The following GAP43 variants were observed in gnomAD, a reference collection of about 807,000 sequenced individuals.
GAP43 encodes the protein neuromodulin.
A neutral mutation model predicts 18.6 loss-of-function variants in GAP43; 6 were observed. The ratio of observed to expected loss-of-function variants is 0.32; its 90% CI spans 0.18 to 0.64. GAP43 has a LOEUF of 0.64. GAP43 is among the 30% of genes least tolerant of loss of function. The pLI is 0.78. For missense variants in GAP43, 292 were observed against 295.5 expected, an observed-to-expected ratio of 0.99 and a Z score of 0.09; for synonymous variants, 115 against 111.4, an observed-to-expected ratio of 1.03 and a Z score of -0.20.
intron 1 of GAP43, among the ~76,000 whole-genome samples, chr3:115,637,905 T>C (rs537906823): frequency 1.1e-4 from 16 of 152,212 alleles, no homozygotes; most frequent in Middle Eastern, 3.4e-3. Context: ...TTCTCTGGTT[T>C]CTATAAGTAA....
intron 1 of GAP43, among the ~76,000 whole-genome samples, chr3:115,668,843 A>G (rs904008944): frequency 1.3e-5 from 2 of 152,094 alleles, no homozygotes; most frequent in African/African-American, 4.8e-5. Flanking sequence ...GTTTGAGACC[A>G]GCCTGGGTAA....
intron 1 of GAP43, among the ~76,000 whole-genome samples, chr3:115,631,070 G>A (rs1355288491): frequency 1.3e-5 from 2 of 152,176 alleles, no homozygotes; most frequent in African/African-American, 4.8e-5. Flanking sequence ...CTCACAAGGT[G>A]GATGTAGTCA....
intron 2 of GAP43, among the ~76,000 whole-genome samples, chr3:115,691,107 A>G (rs1456622709): frequency 1.3e-5 from 2 of 152,230 alleles, no homozygotes; most frequent in Non-Finnish European, 2.9e-5. Context: ...ATAATCTGTC[A>G]TCTTCCTACA....
At chr3:115,661,056 A>G (rs146765910) in intron 1 of GAP43, 3 of 152,304 alleles carry the variant, frequency 2.0e-5, no homozygotes, top group East Asian at 1.9e-4. Context: ...ATAGTGACTT[A>G]GCACCATTTA....
intron 1 of GAP43, chr3:115,664,056 T>G (rs566281242): frequency 1.3e-6 from 1 of 780,816 alleles, no homozygotes; most frequent in South Asian, 1.9e-5. Context: ...ATCTGTAAGA[T>G]AATAGTACCC....
At chr3:115,698,210 TAAA>T (rs369991584) in intron 2 of GAP43, among the ~76,000 whole-genome samples, 2 of 22,162 alleles carry the variant, frequency 9.0e-5, no homozygotes, top group African/African-American at 3.2e-4. Flanking sequence ...ATATATTATA[TAAA>T]ATATATAATA....
intron 1 of GAP43, among the ~76,000 whole-genome samples, chr3:115,654,012 A>T (rs541566518): frequency 3.7e-4 from 57 of 152,280 alleles, no homozygotes; most frequent in Non-Finnish European, 7.9e-4. Flanking sequence ...CCCCAACACC[A>T]AATCCACTGT....
chr3:115,659,735 G>A (rs1192048027), intron 1 of GAP43, among the ~76,000 whole-genome samples: 1 of 152,196 alleles, frequency 6.6e-6, no homozygotes, highest in Admixed American at 6.5e-5. Flanking sequence ...TAGACGAGCT[G>A]TAGAGAGACA....
At chr3:115,649,982 A>T (rs953191470) in intron 1 of GAP43, among the ~76,000 whole-genome samples, 6 of 152,118 alleles carry the variant, frequency 3.9e-5, no homozygotes, top group Middle Eastern at 3.2e-3. Flanking sequence ...AATGAATTAG[A>T]CAGCACTTTC....
intron 2 of GAP43, among the ~76,000 whole-genome samples, chr3:115,698,994 T>C (rs1357313874): frequency 6.6e-6 from 1 of 152,152 alleles, no homozygotes; most frequent in East Asian, 1.9e-4. Context: ...GTGTTTCATC[T>C]TTACTGCTGA....
Position 115,663,710 on chromosome 3 carries a change from A to G in GAP43, c.31-12303A>G, listed in dbSNP as rs1400469098. On this transcript the variant is annotated intron_variant, in intron 1 of 2. Transcript: ENST00000305124. ...AGAGATCTCAAAACAGGAAGATAAA[A>G]TTGGACTGACAGCTCTACAGCCTAG... is the stretch of plus-strand genomic sequence containing the variant. The G allele has an allele frequency of 4.0e-6, 6 of 1,509,002 alleles. No homozygotes were observed. In the Admixed American group the frequency reaches 7.2e-5, roughly 18 times the overall value. The allele number at this position is 1,509,002 out of a possible 1,614,324, so 93.5% of individuals were successfully genotyped here. A position where few individuals can be genotyped will look rare whatever the true frequency, so the allele number is the denominator to read the frequency against.
chr3:115,650,340 A>T (rs1708506512), intron 1 of GAP43, among the ~76,000 whole-genome samples: 1 of 152,198 alleles, frequency 6.6e-6, no homozygotes, highest in African/African-American at 2.4e-5. Context: ...ATTATAGTAT[A>T]TCCACAACCC....
rs561118839 is a variant in GAP43 at position 115,717,048 on chromosome 3, T to G, written c.629-3746T>G. 5.3e-5 allele frequency among the ~76,000 whole-genome samples: 8 copies of G among 152,022 alleles called. No homozygotes were observed. In the East Asian group the frequency reaches 1.6e-3, roughly 29 times the overall value. ...CTGAGTTTTAGCTCTGGCTTGGTCA[T>G]AAGCAAGTCATATGATTTAGGGAAA... On this transcript the variant is annotated intron_variant, in intron 2 of 2. Transcript: ENST00000305124.
intron 1 of GAP43, 133 bp downstream of exon 1, chr3:115,623,852 T>C: frequency 1.2e-6 from 1 of 860,974 alleles, no homozygotes; most frequent in East Asian, 2.4e-5. Flanking sequence ...ATATGGTAAC[T>C]GATGGTTGCA....
rs28399402 is a variant in GAP43, at chr3:115,691,342, A to C, written c.628+14732A>C. 4.8e-3 allele frequency among the ~76,000 whole-genome samples: 727 copies of C among 152,312 alleles called. 9 individuals carry two copies. Among genetic ancestry groups the C allele is most frequent in the African/African-American group, 0.017 (702 of 41,566 alleles). ...GCAGTGGAGGAGAAATATCAGAGCG[A>C]TCTTGGAATCGGACCTATCTATGTT... is the stretch of plus-strand genomic sequence containing the variant. On this transcript the variant is annotated intron_variant, in intron 2 of 2. Coordinates refer to ENST00000305124, the MANE Select transcript of GAP43 (RefSeq NM_002045.4).
intron 1 of GAP43, among the ~76,000 whole-genome samples, chr3:115,647,122 G>A (rs1042958798): frequency 6.6e-6 from 1 of 152,000 alleles, no homozygotes; most frequent in Non-Finnish European, 1.5e-5. Context: ...ATTAGGTCAT[G>A]AGAGTGAAGC....
intron 1 of GAP43, among the ~76,000 whole-genome samples, chr3:115,642,640 A>T (rs1708410719): frequency 6.6e-6 from 1 of 152,014 alleles, no homozygotes; most frequent in Admixed American, 6.6e-5. Context: ...GGTTTGGGGG[A>T]TAAATTTTGT....
chr3:115,656,443 C>T (rs1001829490), intron 1 of GAP43, among the ~76,000 whole-genome samples: 2 of 152,086 alleles, frequency 1.3e-5, no homozygotes, highest in Non-Finnish European at 2.9e-5. Context: ...TAGGCTCCCT[C>T]GACCAGCATC....
At chr3:115,635,408 C>A (rs115750336) in intron 1 of GAP43, among the ~76,000 whole-genome samples, 1 of 152,050 alleles carries the variant, frequency 6.6e-6, no homozygotes, top group East Asian at 1.9e-4. Context: ...AACCTAAGGA[C>A]AAGAGTTCCT....
Sources: allele counts gnomAD v4.1 joint callset (sites outside exome capture counted in the v4.1 genomes callset), GRCh38; gene constraint gnomAD v4.1.1; transcripts MANE v1.5; gene names NCBI Gene and HGNC (gene_info 2026-07-23, HGNC 2026-07-21).